The following CPLANE2 variants were observed in gnomAD, a reference collection of about 807,000 sequenced individuals.
The protein encoded by CPLANE2 is ciliogenesis and planar polarity effector 2.
CPLANE2 carries 24 observed loss-of-function variants against 20.9 expected under a neutral mutation model. The observed-to-expected ratio is 1.15, with a 90% CI of 0.83 to 1.61. The LOEUF is 1.61. Ranked by LOEUF, CPLANE2 falls within the 40% of genes most tolerant of loss-of-function variation. The pLI, the probability that CPLANE2 is intolerant of heterozygous loss-of-function variation, is 0.00. For missense variants in CPLANE2, 330 were observed against 355.1 expected, an observed-to-expected ratio of 0.93 and a Z score of 0.57; for synonymous variants, 132 against 144.3, an observed-to-expected ratio of 0.92 and a Z score of 0.61.
chr1:16,232,209 T>A lies in CPLANE2; in HGVS notation c.616A>T (p.Ser206Cys). 1 of 1,612,508 alleles carries A rather than the reference T, an allele frequency of 6.2e-7. No homozygotes were observed. The highest frequency in any genetic ancestry group is 8.5e-7 in the Non-Finnish European group (1 of 1,179,834). Residue 206 changes from serine (S) to cysteine (C), a missense_variant, in exon 5 of 5, where the codon AGT becomes TGT. Transcript: ENST00000375599. The part of the protein sequence containing the change: ...AWELPLLRVK[S>C]VPGRRLADGR... ...TCAGCCAGCCGCCGCCCCGGCACAC[T>A]CTTCACCCGTAGCAGGGGCAGCTCC...
chr1:16,232,390 G>C (rs1182391964), intron 4 of CPLANE2, 93 bp from the exon 5 acceptor site: 7 of 1,528,476 alleles, frequency 4.6e-6, no homozygotes, highest in Non-Finnish European at 6.2e-6. Context: ...ACACCCAGGA[G>C]CTGGGGTAGC....
At chr1:16,236,200 C>CCA (rs1284848438) in intron 1 of CPLANE2, among the ~76,000 whole-genome samples, 1 of 152,218 alleles carries the variant, frequency 6.6e-6, no homozygotes, top group African/African-American at 2.4e-5. Context: ...ATGGGGAACA[C>CCA]CAGCGTCTCA....
chr1:16,236,706 G>C lies in CPLANE2; in HGVS notation c.37C>G (p.Pro13Ala). 1 of 1,561,292 alleles carries C rather than the reference G, an allele frequency of 6.4e-7. No individual in the cohort carries two copies. Among genetic ancestry groups the C allele is most frequent in the Middle Eastern group, 1.7e-4 (1 of 5,960 alleles). The part of the protein sequence containing the change: ...RPPVPGSVVV[P>A]NWHESAEGKE... ...CCCTCGGCACTCTCGTGCCAGTTTG[G>C]GACAACCACCGAACCGGGCACGGGA... Residue 13 changes from proline to alanine, a missense_variant, in exon 1 of 5, where the codon CCA becomes GCA. Coordinates refer to ENST00000375599, the MANE Select transcript of CPLANE2 (RefSeq NM_030907.4).
intron 2 of CPLANE2, 84 bp downstream of exon 2, chr1:16,233,528 T>C (rs2081440726): frequency 6.6e-7 from 1 of 1,504,512 alleles, no homozygotes; most frequent in Non-Finnish European, 9.1e-7. Flanking sequence ...GGCTACAGAG[T>C]AAGAGGTGGT....
chr1:16,234,758 G>A (rs2081451160), intron 1 of CPLANE2, among the ~76,000 whole-genome samples: 1 of 151,956 alleles, frequency 6.6e-6, no homozygotes, highest in South Asian at 2.1e-4. Flanking sequence ...TTGAGACGGA[G>A]TTTCGCTTTT....
chr1:16,232,770 C>T, intron 3 of CPLANE2, 123 bp downstream of exon 3: 1 of 1,566,802 alleles, frequency 6.4e-7, no homozygotes, highest in Non-Finnish European at 8.7e-7. Flanking sequence ...AGCGGCTGGT[C>T]CTAGGACAAG....
Position 16,236,800 on chromosome 1 carries a change from A to T in CPLANE2, c.-58T>A, listed in dbSNP as rs1258477708. The T allele has an allele frequency of 1.5e-6, 2 of 1,306,772 alleles. No homozygotes were observed. The highest frequency in any genetic ancestry group is 2.0e-5 in the Admixed American group (1 of 50,690). 80.9% of individuals were successfully genotyped at this position (1,306,772 alleles called of 1,614,324 possible). On this transcript the variant is annotated 5_prime_UTR_variant, in exon 1 of 5. Coordinates refer to ENST00000375599, the MANE Select transcript of CPLANE2 (RefSeq NM_030907.4). ...AGAATGCTGAGAGCAGGGAGTGGGA[A>T]GGGGAGTGACAGTACCAAGCCGGGC...
chr1:16,234,841 C>A (rs2081452016), intron 1 of CPLANE2, among the ~76,000 whole-genome samples: 1 of 152,152 alleles, frequency 6.6e-6, no homozygotes, highest in Admixed American at 6.5e-5. Flanking sequence ...GATTCTCCTG[C>A]CTCAGCCTCC....
rs766535149 is a variant in CPLANE2 at position 16,232,227 on chromosome 1, GC to G, written c.597del (p.Leu201CysfsTer4). ...GGCACACTCTTCACCCGTAGCAGGG[GC>G]AGCTCCCAGGCCTGCCGGAAGGCTG... ...DLTAFRQAWE[L>X]PLLRVKSVPG... On this transcript the variant is annotated frameshift_variant, in exon 5 of 5. Transcript: ENST00000375599. LOFTEE classifies it high-confidence loss of function. The G allele has an allele frequency of 1.2e-6, 2 of 1,612,034 alleles. No homozygotes were observed. The highest frequency in any genetic ancestry group is 1.7e-6 in the Non-Finnish European group (2 of 1,179,838).
At chr1:16,232,459 G>A in intron 4 of CPLANE2, 51 bp downstream of exon 4, 1 of 1,601,032 alleles carries the variant, frequency 6.2e-7, no homozygotes, top group South Asian at 1.1e-5. Context: ...GGCAGAGGCT[G>A]GGCCCCTGAC....
chr1:16,233,300 G>C (rs1475856179), intron 2 of CPLANE2, among the ~76,000 whole-genome samples: 1 of 152,198 alleles, frequency 6.6e-6, no homozygotes, highest in Non-Finnish European at 1.5e-5. Flanking sequence ...AGGACGCTGG[G>C]AGATGTTTCA....
At position 16,236,640 on chromosome 1, in the gene CPLANE2, G is replaced by T. The variant is rs1334928502; in HGVS notation, c.103C>A (p.Arg35=). 1.3e-6 allele frequency: 2 copies of T among 1,555,080 alleles called. No individual in the cohort carries two copies. Among genetic ancestry groups the T allele is most frequent in the South Asian group, 1.2e-5 (1 of 84,348 alleles). The stretch of plus-strand genomic sequence containing the variant: ...AGGGGGAGGCACTTACCAAACACCC[G>T]CCGGCGGTTCTTGCGCAGAATGCAA... The part of the protein sequence containing the change: ...LACILRKNRR[R]VFGLLERPVL... The change falls in exon 1 of 5, where the codon CGG becomes AGG. Residue 35 remains arginine (R), a synonymous_variant. Coordinates refer to ENST00000375599, the MANE Select transcript of CPLANE2 (RefSeq NM_030907.4).
chr1:16,233,712 G>C lies in CPLANE2; in HGVS notation c.165C>G (p.Ser55Arg), dbSNP rs1157011034. 1.2e-6 allele frequency: 2 copies of C among 1,614,076 alleles called. No individual in the cohort carries two copies. The highest frequency in any genetic ancestry group is 2.2e-5 in the East Asian group (1 of 44,894). The change falls in exon 2 of 5, where the codon AGC becomes AGG. Residue 55 changes from serine to arginine, a missense_variant. Coordinates refer to ENST00000375599, the MANE Select transcript of CPLANE2 (RefSeq NM_030907.4). ...LLPPVSIDTASYKIFVSGKSG... is the reference protein window; with the variant it reads ...LLPPVSIDTARYKIFVSGKSG... ...TCTTCCCGGACACAAAGATCTTGTA[G>C]CTGGCAGTGTCAATGGACACAGGCG...
intron 1 of CPLANE2, among the ~76,000 whole-genome samples, chr1:16,234,821 G>A (rs550128487): frequency 7.9e-5 from 12 of 151,988 alleles, no homozygotes; most frequent in African/African-American, 1.4e-4. Flanking sequence ...TCCGCCTCCC[G>A]GGTTCAAGTG....
At chr1:16,233,079 A>G in intron 2 of CPLANE2, 62 bp from the exon 3 acceptor site, 1 of 1,587,760 alleles carries the variant, frequency 6.3e-7, no homozygotes, top group South Asian at 1.1e-5. Context: ...GGAATAGGGG[A>G]CCAGGAAGGA....
In CPLANE2 at chr1:16,233,736, C is replaced by A. The variant is rs144816140; in HGVS notation, c.141G>T (p.Pro47=). The A allele has an allele frequency of 5.2e-5, 84 of 1,613,950 alleles. No homozygotes were observed. The highest frequency in any genetic ancestry group is 6.8e-5 in the Non-Finnish European group (80 of 1,180,008). The part of the protein sequence containing the change: ...FGLLERPVLL[P]PVSIDTASYK... ...AGCTGGCAGTGTCAATGGACACAGG[C>A]GGCAGCAGCACTGGCCGCTCAAGCA... The change falls in exon 2 of 5, where the codon CCG becomes CCT. Residue 47 remains proline (P), a synonymous_variant. Transcript: ENST00000375599.
chr1:16,237,110 G>A lies in CPLANE2; in HGVS notation c.-368C>T, dbSNP rs1321359606. On this transcript the variant is annotated 5_prime_UTR_variant, in exon 1 of 5. Coordinates refer to ENST00000375599, the MANE Select transcript of CPLANE2 (RefSeq NM_030907.4). The stretch of plus-strand genomic sequence containing the variant: ...CGAAGGCCCCTTTAAACGCCCACCC[G>A]CACTCCCGCCGCCCCAGCCCGCCGG... 1.8e-5 allele frequency: 3 copies of A among 166,940 alleles called. No individual in the cohort carries two copies. Among genetic ancestry groups the A allele is most frequent in the African/African-American group, 2.4e-5 (1 of 41,874 alleles). The allele number at this position is 166,940 out of a possible 1,614,324, so 10.3% of individuals were successfully genotyped here.
In CPLANE2 at chr1:16,232,054, AG is replaced by A. The variant is rs2081423585; in HGVS notation, c.770del (p.Pro257LeufsTer20). ...ACAGGCAACCACTCGTGACTCATTC[AG>A]GAGCACTCTCTGGGGGGTTGGGAAG... ...GLLPNPPESA[P>X]E is the part of the protein sequence containing the mutation. On this transcript the variant is annotated frameshift_variant, in exon 5 of 5. Transcript: ENST00000375599. LOFTEE classifies it high-confidence loss of function. 3 of 1,612,502 alleles carry A rather than the reference AG, an allele frequency of 1.9e-6. No homozygotes were observed. The highest frequency in any genetic ancestry group is 2.5e-6 in the Non-Finnish European group (3 of 1,179,538).
rs1309812258 is a variant in CPLANE2 at position 16,236,493 on chromosome 1, G to C, written c.112+138C>G. Reference sequence around the variant, plus strand: ...CAGAGCTAGGGCTTTCAGTCCCCCAGGCTGAAGACTGCTGAAGACTGCAGT... The same window carrying C: ...CAGAGCTAGGGCTTTCAGTCCCCCACGCTGAAGACTGCTGAAGACTGCAGT... On this transcript the variant is annotated intron_variant, in intron 1 of 4. Coordinates refer to ENST00000375599, the MANE Select transcript of CPLANE2 (RefSeq NM_030907.4). 8.8e-6 allele frequency: 6 copies of C among 680,670 alleles called. No individual in the cohort carries two copies. The Admixed American group carries it at 9.3e-5, about 11-fold the overall frequency. 42.2% of individuals were successfully genotyped at this position (680,670 alleles called of 1,614,324 possible). A position where few individuals can be genotyped will look rare whatever the true frequency, so the allele number is the denominator to read the frequency against.
Sources: allele counts gnomAD v4.1 joint callset (sites outside exome capture counted in the v4.1 genomes callset), GRCh38; gene constraint gnomAD v4.1.1; transcripts MANE v1.5; gene names NCBI Gene and HGNC (gene_info 2026-07-23, HGNC 2026-07-21).